Variants in SPAG16 observed in about 807,000 individuals in gnomAD.
The protein encoded by SPAG16 is sperm-associated antigen 16 protein.
SPAG16 carries 86 observed loss-of-function variants against 80.4 expected under a neutral mutation model. That is an observed-to-expected ratio of 1.07 (90% CI 0.90 to 1.28). The LOEUF (loss-of-function observed/expected upper bound fraction) is 1.28, where lower values mean the gene tolerates loss of function less well. SPAG16 is among the 50% of genes most tolerant of loss of function. SPAG16 has a pLI of 0.00. For synonymous variants in SPAG16, 294 were observed against 265.9 expected, an observed-to-expected ratio of 1.11 and a Z score of -1.03; for missense variants, 870 against 765.3, an observed-to-expected ratio of 1.14 and a Z score of -1.61.
chr2:213,317,483 G>T, intron 5 of SPAG16, 127 bp downstream of exon 5: 1 of 1,356,976 alleles, frequency 7.4e-7, no homozygotes. Flanking sequence ...TAGTTGTAAA[G>T]AATGTGAGAG....
At chr2:213,433,944 T>G (rs339822) in intron 9 of SPAG16, among the ~76,000 whole-genome samples, 105,794 of 137,124 alleles carry the variant, frequency 0.77, 41,170 homozygotes, top group Middle Eastern at 0.86. Flanking sequence ...TTTTGAGACA[T>G]TGTCTCGTTC....
intron 1 of SPAG16, among the ~76,000 whole-genome samples, chr2:213,285,493 C>G (rs907397574): frequency 3.3e-5 from 5 of 152,266 alleles, no homozygotes; most frequent in Admixed American, 2.0e-4. Context: ...CTTAAAGATA[C>G]CAAGGAAACT....
intron 13 of SPAG16, among the ~76,000 whole-genome samples, chr2:214,068,856 AT>A (rs139488402): frequency 6.0e-5 from 9 of 150,956 alleles, no homozygotes; most frequent in East Asian, 1.9e-4. Context: ...GCTTAGTCTC[AT>A]TTTTTTTTCC....
intron 15 of SPAG16, among the ~76,000 whole-genome samples, chr2:214,336,066 G>C (rs1437220388): frequency 6.6e-6 from 1 of 151,880 alleles, no homozygotes; most frequent in Non-Finnish European, 1.5e-5. Flanking sequence ...CCTATTATTA[G>C]GATTCACTTT....
intron 9 of SPAG16, among the ~76,000 whole-genome samples, chr2:213,394,959 G>T (rs1314384794): frequency 6.6e-6 from 1 of 152,104 alleles, no homozygotes; most frequent in African/African-American, 2.4e-5. Context: ...TTGGTAGTCT[G>T]TGGTTTTTTA....
intron 15 of SPAG16, among the ~76,000 whole-genome samples, chr2:214,172,867 T>C (rs1322709573): frequency 6.6e-6 from 1 of 152,204 alleles, no homozygotes; most frequent in Admixed American, 6.5e-5. Context: ...GTGAACATTT[T>C]TTCATGTGTT....
In SPAG16 at chr2:214,151,718, A is replaced by G. The variant is rs551954341; in HGVS notation, c.1720+2452A>G. 7.2e-5 allele frequency among the ~76,000 whole-genome samples: 11 copies of G among 151,768 alleles called. No individual in the cohort carries two copies. In the South Asian group the frequency reaches 1.0e-3, roughly 14 times the overall value. On this transcript the variant is annotated intron_variant, in intron 15 of 15. Transcript: ENST00000331683. ...ACTCTGTGACAGAACTAAATTGTGC[A>G]GTTATATACACCTAGCGTGTTATTT...
chr2:214,022,730 G>A (rs201531445), intron 13 of SPAG16, among the ~76,000 whole-genome samples: 1 of 7,350 alleles, frequency 1.4e-4, no homozygotes, highest in Admixed American at 1.1e-3. Context: ...AAAAGAATCT[G>A]TCTTACCATG....
intron 3 of SPAG16, among the ~76,000 whole-genome samples, chr2:213,303,515 C>T (rs1460242838): frequency 1.3e-5 from 2 of 151,584 alleles, no homozygotes; most frequent in Non-Finnish European, 2.9e-5. Context: ...ATTTTTGTAC[C>T]CATTAACCAT....
chr2:213,467,889 C>T (rs1166782106), intron 9 of SPAG16, among the ~76,000 whole-genome samples: 1 of 152,218 alleles, frequency 6.6e-6, no homozygotes, highest in African/African-American at 2.4e-5. Flanking sequence ...TAGGAGTTAT[C>T]AGGTGCATCT....
At chr2:213,856,535 C>G (rs1054729976) in intron 10 of SPAG16, among the ~76,000 whole-genome samples, 2 of 152,200 alleles carry the variant, frequency 1.3e-5, no homozygotes, top group African/African-American at 4.8e-5. Flanking sequence ...CATGAGGAAG[C>G]CACCCTACAG....
rs76955274 is a variant in SPAG16, at chr2:213,658,082, C to T, written c.1070+167992C>T. On this transcript the variant is annotated intron_variant, in intron 10 of 15. Transcript: ENST00000331683. ...GGGTTACTTGGTTACTCATGCAACA[C>T]AATTCTGCTATGAGGAGGTGTTTCC... 8.4e-4 allele frequency among the ~76,000 whole-genome samples: 124 copies of T among 147,036 alleles called. 2 individuals carry two copies. The East Asian group carries it at 0.023, about 27-fold the overall frequency.
At chr2:214,382,470 C>T (rs1203494815) in intron 15 of SPAG16, among the ~76,000 whole-genome samples, 1 of 152,176 alleles carries the variant, frequency 6.6e-6, no homozygotes, top group African/African-American at 2.4e-5. Context: ...GTTTATAACT[C>T]ATGGCAGCTG....
intron 10 of SPAG16, among the ~76,000 whole-genome samples, chr2:213,709,851 C>G (rs943143566): frequency 1.3e-5 from 2 of 152,144 alleles, no homozygotes; most frequent in Non-Finnish European, 2.9e-5. Flanking sequence ...CAGGTTTGAC[C>G]ATTGCCTAAA....
At chr2:213,682,384 G>A (rs2064437730) in intron 10 of SPAG16, among the ~76,000 whole-genome samples, 1 of 152,160 alleles carries the variant, frequency 6.6e-6, no homozygotes, top group Non-Finnish European at 1.5e-5. Context: ...CTTTGATGTT[G>A]ATTTCTTTAT....
At chr2:213,875,786 G>T (rs992715187) in intron 11 of SPAG16, among the ~76,000 whole-genome samples, 4 of 152,092 alleles carry the variant, frequency 2.6e-5, no homozygotes, top group Non-Finnish European at 5.9e-5. Flanking sequence ...AAATAAAAAT[G>T]ATCTGGTGTG....
chr2:214,131,241 C>T (rs1209997704), intron 14 of SPAG16, among the ~76,000 whole-genome samples: 1 of 151,980 alleles, frequency 6.6e-6, no homozygotes, highest in Non-Finnish European at 1.5e-5. Flanking sequence ...TATTGGCATG[C>T]ACCTGTGGTC....
intron 12 of SPAG16, among the ~76,000 whole-genome samples, chr2:213,964,771 C>G (rs965230108): frequency 6.6e-6 from 1 of 152,208 alleles, no homozygotes; most frequent in Non-Finnish European, 1.5e-5. Context: ...TTTAAACCCT[C>G]TGTTTAATAT....
At chr2:213,827,495 T>C (rs1411333008) in intron 10 of SPAG16, among the ~76,000 whole-genome samples, 1 of 152,110 alleles carries the variant, frequency 6.6e-6, no homozygotes. Flanking sequence ...AAAGTTATTG[T>C]AGTTATTATT....
Sources: gnomAD v4.1 joint callset for allele counts (sites outside exome capture counted in the v4.1 genomes callset) on GRCh38, gnomAD v4.1.1 for gene constraint, MANE v1.5 for transcripts, NCBI Gene and HGNC (gene_info 2026-07-23, HGNC 2026-07-21) for gene names.